The following FER variants were observed in gnomAD, a reference collection of about 807,000 sequenced individuals.
FER encodes tyrosine-protein kinase Fer.
A neutral mutation model predicts 111.0 loss-of-function variants in FER; 63 were observed. The ratio of observed to expected loss-of-function variants is 0.57; its 90% CI spans 0.46 to 0.70. The LOEUF (loss-of-function observed/expected upper bound fraction) is 0.70. Among genes scored for constraint, FER ranks in the 30% least tolerant of loss-of-function variants. FER has a pLI of 0.00. For missense variants in FER, 914 were observed against 954.0 expected (o/e 0.96, Z 0.55); for synonymous variants, 327 against 313.9 (o/e 1.04, Z -0.44).
intron 2 of FER, among the ~76,000 whole-genome samples, chr5:108,793,611 A>G (rs1328371107): frequency 6.6e-6 from 1 of 150,858 alleles, no homozygotes; most frequent in Admixed American, 6.7e-5. Flanking sequence ...ACTGTTCTCC[A>G]TAGTGGTTGT....
intron 10 of FER, among the ~76,000 whole-genome samples, chr5:108,931,437 T>A (rs1754660249): frequency 6.6e-6 from 1 of 152,188 alleles, no homozygotes. Context: ...ATCCAAACTT[T>A]CCTGTGTTTA....
At chr5:109,154,271 A>G (rs965362930) in intron 17 of FER, among the ~76,000 whole-genome samples, 2 of 151,974 alleles carry the variant, frequency 1.3e-5, no homozygotes, top group African/African-American at 4.8e-5. Context: ...GGAACAGGGA[A>G]GAAACCTTCA....
At chr5:108,927,965 T>G (rs1235822506) in intron 10 of FER, among the ~76,000 whole-genome samples, 3 of 152,240 alleles carry the variant, frequency 2.0e-5, no homozygotes, top group Admixed American at 6.5e-5. Context: ...ACTTTACTTA[T>G]GAATTTCATT....
chr5:108,986,614 A>C (rs567216429), intron 13 of FER, among the ~76,000 whole-genome samples: 50 of 152,102 alleles, frequency 3.3e-4, no homozygotes, highest in African/African-American at 1.0e-3. Context: ...TCTTGAGTTG[A>C]TTTTGGTATA....
chr5:109,187,713 A>C lies in FER; in HGVS notation c.*138A>C. The stretch of plus-strand genomic sequence containing the variant: ...TTATTTTTTATTAACTGGGTGTTTT[A>C]AAAGTACGTTCCACTTGTAAAAAGT... On this transcript the variant is annotated 3_prime_UTR_variant, in exon 20 of 20. Coordinates refer to ENST00000281092, the MANE Select transcript of FER (RefSeq NM_005246.4). 9.0e-7 allele frequency: 1 copy of C among 1,106,668 alleles called. No individual in the cohort carries two copies. Among genetic ancestry groups the C allele is most frequent in the Non-Finnish European group, 1.3e-6 (1 of 785,742 alleles). The allele number at this position is 1,106,668 out of a possible 1,614,324, so 68.6% of individuals were successfully genotyped here. A position where few individuals can be genotyped will look rare whatever the true frequency, so the allele number is the denominator to read the frequency against.
At chr5:109,046,599 T>C (rs1772010876) in intron 15 of FER, among the ~76,000 whole-genome samples, 2 of 152,192 alleles carry the variant, frequency 1.3e-5, no homozygotes, top group African/African-American at 2.4e-5. Flanking sequence ...ATCAGTATGG[T>C]TGGGCCTCTG....
intron 1 of FER, among the ~76,000 whole-genome samples, chr5:108,753,206 T>A (rs76325227): frequency 0.068 from 10,301 of 152,218 alleles, 434 homozygotes; most frequent in South Asian, 0.092. Context: ...TCTCTCCTTG[T>A]ATTAATGTGT....
intron 13 of FER, among the ~76,000 whole-genome samples, chr5:108,997,172 G>A (rs1042967816): frequency 3.3e-5 from 5 of 151,194 alleles, no homozygotes; most frequent in East Asian, 1.9e-4. Context: ...AGGGGAGGCC[G>A]AGGCAGGCAG....
At chr5:108,966,113 A>G (rs1759777084) in intron 13 of FER, among the ~76,000 whole-genome samples, 1 of 152,214 alleles carries the variant, frequency 6.6e-6, no homozygotes, top group South Asian at 2.1e-4. Context: ...CAAAAGTTTC[A>G]CATCCATAAG....
chr5:108,917,155 T>C (rs1752379250), intron 10 of FER, among the ~76,000 whole-genome samples: 2 of 152,110 alleles, frequency 1.3e-5, no homozygotes, highest in South Asian at 2.1e-4. Context: ...TGTAGATACG[T>C]TGATTTTGAC....
intron 3 of FER, among the ~76,000 whole-genome samples, chr5:108,804,379 G>A (rs1022825855): frequency 6.6e-6 from 1 of 152,168 alleles, no homozygotes; most frequent in African/African-American, 2.4e-5. Context: ...CTGTATTGGA[G>A]TGGTGAGAGT....
At chr5:108,951,060 G>A (rs1757668926) in intron 11 of FER, among the ~76,000 whole-genome samples, 1 of 151,962 alleles carries the variant, frequency 6.6e-6, no homozygotes. Flanking sequence ...CATGAGGTCA[G>A]GACTTTGAGA....
chr5:108,855,772 A>G (rs1403096152), intron 5 of FER, among the ~76,000 whole-genome samples: 1 of 152,064 alleles, frequency 6.6e-6, no homozygotes. Flanking sequence ...AGTGTAGGTT[A>G]TTGGTGATTT....
intron 10 of FER, among the ~76,000 whole-genome samples, chr5:108,901,238 CT>C (rs972353204): frequency 4.0e-5 from 6 of 149,096 alleles, no homozygotes; most frequent in East Asian, 2.0e-4. Flanking sequence ...GAATTTCTTT[CT>C]TTTTTTTTTC....
chr5:108,752,703 C>A (rs1164553213), intron 1 of FER, among the ~76,000 whole-genome samples: 1 of 151,902 alleles, frequency 6.6e-6, no homozygotes, highest in Non-Finnish European at 1.5e-5. Flanking sequence ...TTTCTTGGTT[C>A]TTTTCAAGAA....
chr5:109,187,616 T>A lies in FER; in HGVS notation c.*41T>A, dbSNP rs1759029964. Reference sequence around the variant, plus strand: ...AAACTCAGCCTTCAGGACTCTGTCCTCCAGCAGAGTAACATTATTGTTCTC... The same window carrying A: ...AAACTCAGCCTTCAGGACTCTGTCCACCAGCAGAGTAACATTATTGTTCTC... On this transcript the variant is annotated 3_prime_UTR_variant, in exon 20 of 20. Transcript: ENST00000281092. The A allele has an allele frequency of 2.5e-6, 4 of 1,605,930 alleles. No individual in the cohort carries two copies. Among genetic ancestry groups the A allele is most frequent in the Non-Finnish European group, 3.4e-6 (4 of 1,174,058 alleles).
chr5:109,171,567 T>A (rs909222406), intron 17 of FER, among the ~76,000 whole-genome samples: 5 of 152,210 alleles, frequency 3.3e-5, no homozygotes, highest in African/African-American at 1.2e-4. Context: ...AGAAGTGGTT[T>A]TGTCACTTTT....
chr5:109,070,242 C>T (rs951090115), intron 16 of FER, among the ~76,000 whole-genome samples: 24 of 151,524 alleles, frequency 1.6e-4, no homozygotes, highest in African/African-American at 5.6e-4. Flanking sequence ...GAGATAAAAA[C>T]ATGTTTCACT....
chr5:108,894,028 T>G (rs1444862788), intron 9 of FER, among the ~76,000 whole-genome samples: 4 of 151,296 alleles, frequency 2.6e-5, no homozygotes, highest in Non-Finnish European at 5.9e-5. Flanking sequence ...GACAGATTCC[T>G]TCCATCTCCA....
Sources: allele counts gnomAD v4.1 joint callset (sites outside exome capture counted in the v4.1 genomes callset), GRCh38; gene constraint gnomAD v4.1.1; transcripts MANE v1.5; gene names NCBI Gene and HGNC (gene_info 2026-07-23, HGNC 2026-07-21).